Variants in ADCY9 observed in about 807,000 individuals in gnomAD.
ADCY9 encodes the protein adenylate cyclase type 9.
ADCY9 carries 50 observed loss-of-function variants against 101.5 expected under a neutral mutation model. The observed-to-expected ratio is 0.49, with a 90% CI of 0.39 to 0.62. The LOEUF (loss-of-function observed/expected upper bound fraction) is 0.62, where lower values mean the gene tolerates loss of function less well. Among genes scored for constraint, ADCY9 ranks in the 20% least tolerant of loss-of-function variants. The probability of loss-of-function intolerance (pLI) is 0.00; values close to 1 mark genes in which losing one functional copy is unlikely to be tolerated. For missense variants in ADCY9, 1,662 were observed against 1,800.4 expected (o/e 0.92, Z 1.39); for synonymous variants, 905 against 769.3 (o/e 1.18, Z -2.92).
At chr16:4,062,089 T>C (rs1339453656) in intron 2 of ADCY9, among the ~76,000 whole-genome samples, 1 of 152,166 alleles carries the variant, frequency 6.6e-6, no homozygotes, top group Non-Finnish European at 1.5e-5. Context: ...GAGGCTGAGA[T>C]GGAAGGATCA....
At chr16:3,975,441 C>A (rs976293834) in intron 9 of ADCY9, among the ~76,000 whole-genome samples, 1 of 152,092 alleles carries the variant, frequency 6.6e-6, no homozygotes, top group Admixed American at 6.6e-5. Context: ...CTCACACTGC[C>A]CATGGCTGGA....
At chr16:4,075,734 C>T (rs889445794) in intron 2 of ADCY9, among the ~76,000 whole-genome samples, 1 of 152,032 alleles carries the variant, frequency 6.6e-6, no homozygotes, top group South Asian at 2.1e-4. Context: ...CAAGGAATGG[C>T]GGCTGGGGCA....
At chr16:3,962,559 C>T (rs2055946580), downstream of ADCY9, 1 of 152,188 alleles carries the variant, frequency 6.6e-6, no homozygotes, top group Non-Finnish European at 1.5e-5. Context: ...AGGTGAGCCA[C>T]AGATCGCAGA....
chr16:3,988,952 A>G, intron 6 of ADCY9, 42 bp downstream of exon 6: 2 of 1,471,372 alleles, frequency 1.4e-6, no homozygotes, highest in Non-Finnish European at 1.9e-6. Flanking sequence ...TGAGAACAAC[A>G]AACACATTCT....
rs1478684312 is a variant in ADCY9, at chr16:4,114,652, C to T, written c.791G>A (p.Arg264Gln). Reference sequence around the variant, plus strand: ...GGGCGAGGGGAAGCAGGCTTCATCCCGGAAATGGTAGCCAAAGGTCTCGAA... The same window carrying T: ...GGGCGAGGGGAAGCAGGCTTCATCCTGGAAATGGTAGCCAAAGGTCTCGAA... ...VLFETFGYHF[R>Q]DEACFPSPGA... Residue 264 changes from arginine to glutamine, a missense_variant, in exon 2 of 11, where the codon CGG becomes CAG. Physicochemically the swap from Arg to Gln is conservative, Grantham distance 43. Around this residue, in one of 5 missense-constraint regions of ADCY9, gnomAD observed 422 missense variants for 392.0 expected, o/e 1.08. Transcript: ENST00000294016. The surrounding 1 kb of genome is among the most constrained non-coding windows in gnomAD (Gnocchi z 4.3). 4 of 1,613,258 alleles carry T rather than the reference C, an allele frequency of 2.5e-6. No individual in the cohort carries two copies. The Admixed American group carries it at 5.0e-5, about 20-fold the overall frequency.
At chr16:3,962,297 T>C (rs934156220), downstream of ADCY9, among the ~76,000 whole-genome samples, 4 of 152,156 alleles carry the variant, frequency 2.6e-5, no homozygotes, top group Non-Finnish European at 4.4e-5. Context: ...ACCTACTTTT[T>C]CCCCCTCAAT....
At chr16:3,969,141 C>G (rs1211696931) in intron 10 of ADCY9, among the ~76,000 whole-genome samples, 1 of 151,828 alleles carries the variant, frequency 6.6e-6, no homozygotes, top group Non-Finnish European at 1.5e-5. Context: ...CCTTTGATAA[C>G]TGAGCCTGCT....
chr16:3,989,487 T>C (rs1597148840), intron 5 of ADCY9, among the ~76,000 whole-genome samples: 1 of 152,080 alleles, frequency 6.6e-6, no homozygotes, highest in South Asian at 2.1e-4. Context: ...CAAGCAATTC[T>C]CCTGCCTCAG....
chr16:4,070,110 ATGTG>A (rs1223476918), intron 2 of ADCY9, among the ~76,000 whole-genome samples: 1 of 106,204 alleles, frequency 9.4e-6, no homozygotes, highest in Non-Finnish European at 2.1e-5. Context: ...AAAAATATGT[ATGTG>A]TGTGTATGTG....
intron 2 of ADCY9, 32 bp downstream of exon 2, chr16:4,113,717 AG>A (rs780597481): frequency 1.3e-6 from 2 of 1,586,090 alleles, no homozygotes; most frequent in South Asian, 1.1e-5. Context: ...AGGATCAGGG[AG>A]GGGGGATGCC....
chr16:4,101,329 G>T (rs1321789018), intron 2 of ADCY9, among the ~76,000 whole-genome samples: 1 of 145,916 alleles, frequency 6.9e-6, no homozygotes. Context: ...CACCCAGGCT[G>T]AGTACAGTGG....
At chr16:4,003,032 C>T (rs924896477) in intron 3 of ADCY9, among the ~76,000 whole-genome samples, 4 of 152,234 alleles carry the variant, frequency 2.6e-5, no homozygotes, top group Non-Finnish European at 2.9e-5. Context: ...TCTTTTTCTT[C>T]ATGAAGATGT....
In ADCY9 at chr16:4,116,112, C is replaced by G. The variant is rs1027568310; in HGVS notation, c.-466G>C. ...GGGGGCGCCCCGGGCTGCGAGTGCG[C>G]GGAGCCCGTCGGCGCGGCCCGTCTA... On this transcript the variant is annotated 5_prime_UTR_variant, in exon 1 of 11. Transcript: ENST00000294016. 104 of 146,094 alleles carry G rather than the reference C, an allele frequency of 7.1e-4. No individual in the cohort carries two copies. In the Middle Eastern group the frequency reaches 0.021, roughly 29 times the overall value. The allele number at this position is 146,094 out of a possible 1,614,324, so 9.0% of individuals were successfully genotyped here.
intron 3 of ADCY9, among the ~76,000 whole-genome samples, chr16:4,003,992 C>G (rs2056349937): frequency 1.3e-5 from 2 of 151,674 alleles, no homozygotes. Context: ...CACAGTGGCT[C>G]ATGACTGTAA....
At chr16:4,006,599 C>G (rs567782616) in intron 3 of ADCY9, among the ~76,000 whole-genome samples, 6 of 152,158 alleles carry the variant, frequency 3.9e-5, no homozygotes, top group African/African-American at 1.4e-4. Flanking sequence ...TATCTGAGAA[C>G]ACAAAGCAGC....
Position 3,992,428 on chromosome 16 carries a change from G to T in ADCY9, c.1990-65C>A, listed in dbSNP as rs1384233776. ...GTGGCACCGGGCACTGGGCACACAC[G>T]CCTGTCCCACCCCGACCTCCGCTGC... On this transcript the variant is annotated intron_variant, in intron 4 of 10. Coordinates refer to ENST00000294016, the MANE Select transcript of ADCY9 (RefSeq NM_001116.4). The surrounding 1 kb of genome is among the most constrained non-coding windows in gnomAD (Gnocchi z 4.2). The T allele has an allele frequency of 2.0e-6, 3 of 1,467,510 alleles. No individual in the cohort carries two copies. The highest frequency in any genetic ancestry group is 1.8e-5 in the Admixed American group (1 of 55,586). The allele number at this position is 1,467,510 out of a possible 1,614,324, so 90.9% of individuals were successfully genotyped here.
rs1372460216 is a variant in ADCY9, at chr16:4,113,814, G to A, written c.1629C>T (p.Tyr543=). The A allele has an allele frequency of 6.2e-7, 1 of 1,614,014 alleles. No individual in the cohort carries two copies. Among genetic ancestry groups the A allele is most frequent in the Non-Finnish European group, 8.5e-7 (1 of 1,180,012 alleles). The change falls in exon 2 of 11, where the codon TAC becomes TAT. Residue 543 remains tyrosine, a synonymous_variant. Coordinates refer to ENST00000294016, the MANE Select transcript of ADCY9 (RefSeq NM_001116.4). ...CAATAACTTTCCCATCTTCCATTTC[G>A]TACCGGTCATCTAAGTATTTTGCGG... The part of the protein sequence containing the change: ...EATAKYLDDR[Y]EMEDGKVIER...
chr16:3,994,127 G>A (rs1208793268), intron 3 of ADCY9, among the ~76,000 whole-genome samples: 1 of 152,100 alleles, frequency 6.6e-6, no homozygotes, highest in Admixed American at 6.6e-5. Context: ...TAGGTCATGG[G>A]GGACAAGCCT....
At chr16:3,999,685 G>C (rs1597155698) in intron 3 of ADCY9, among the ~76,000 whole-genome samples, 2 of 152,192 alleles carry the variant, frequency 1.3e-5, no homozygotes, top group African/African-American at 4.8e-5. Context: ...GGTAACCTGA[G>C]ATTCCCTGGA....
Sources: gnomAD v4.1 joint callset for allele counts (sites outside exome capture counted in the v4.1 genomes callset) on GRCh38, gnomAD v4.1.1 for gene constraint, gnomAD v4.1.1 regional missense constraint, Gnocchi (gnomAD v3.1) non-coding constraint, MANE v1.5 for transcripts, NCBI Gene and HGNC (gene_info 2026-07-23, HGNC 2026-07-21) for gene names.